Variants in PRKAG2 observed in about 807,000 individuals in gnomAD.
The protein encoded by PRKAG2 is 5'-AMP-activated protein kinase subunit gamma-2.
Under a neutral mutation model 69.6 loss-of-function variants are expected in PRKAG2, and 26 were observed. That is an observed-to-expected ratio of 0.37 (90% CI 0.27 to 0.52). The LOEUF is 0.52. Among genes scored for constraint, PRKAG2 ranks in the 20% least tolerant of loss-of-function variants. The probability of loss-of-function intolerance (pLI) is 0.90; values close to 1 mark genes in which losing one functional copy is unlikely to be tolerated. For missense variants in PRKAG2, 557 were observed against 740.0 expected (o/e 0.75, Z 2.87); for synonymous variants, 293 against 285.0 (o/e 1.03, Z -0.28).
chr7:151,848,944 G>T (rs763746653), intron 1 of PRKAG2, among the ~76,000 whole-genome samples: 1 of 152,222 alleles, frequency 6.6e-6, no homozygotes, highest in Non-Finnish European at 1.5e-5. Context: ...TTCACAGCCC[G>T]CAGGTGAGGA....
chr7:151,844,796 G>A (rs2079391143), intron 1 of PRKAG2, among the ~76,000 whole-genome samples: 1 of 152,184 alleles, frequency 6.6e-6, no homozygotes, highest in African/African-American at 2.4e-5. Flanking sequence ...ACAGTGCCCG[G>A]CACAAAGTAA....
chr7:151,769,769 G>T (rs1294678642), intron 3 of PRKAG2, among the ~76,000 whole-genome samples: 1 of 152,224 alleles, frequency 6.6e-6, no homozygotes. Flanking sequence ...CACGAGGTGG[G>T]CAGGTGGCAC....
chr7:151,777,125 G>C lies in PRKAG2; in HGVS notation c.466+4027C>G, dbSNP rs1247498436. Among the ~76,000 whole-genome samples, 1 of 152,146 alleles carries C rather than the reference G, an allele frequency of 6.6e-6. No individual in the cohort carries two copies. Among genetic ancestry groups the C allele is most frequent in the Non-Finnish European group, 1.5e-5 (1 of 68,006 alleles). On this transcript the variant is annotated intron_variant, in intron 3 of 15. Coordinates refer to ENST00000287878, the MANE Select transcript of PRKAG2 (RefSeq NM_016203.4). This position sits in a 1 kb window ranked among gnomAD's most constrained non-coding sequence, Gnocchi z 4.3. ...TAAGGAAAGGGTGGAGGGGAGTCTGGGAGCTTCCTCCTGTGCAGACCACAG... is the reference window on the plus strand; with the variant it reads ...TAAGGAAAGGGTGGAGGGGAGTCTGCGAGCTTCCTCCTGTGCAGACCACAG...
chr7:151,703,516 T>G (rs76077039), intron 3 of PRKAG2, among the ~76,000 whole-genome samples: 1 of 122,792 alleles, frequency 8.1e-6, no homozygotes, highest in Non-Finnish European at 1.7e-5. Context: ...AAAAATGTTT[T>G]ATGGAGCATA....
chr7:151,736,403 C>G, intron 3 of PRKAG2: 1 of 731,684 alleles, frequency 1.4e-6, no homozygotes, highest in Non-Finnish European at 1.6e-6. Context: ...TTTTTTTTTT[C>G]TCCTTAAAAT....
intron 3 of PRKAG2, among the ~76,000 whole-genome samples, chr7:151,757,700 C>A (rs548730016): frequency 4.3e-4 from 66 of 152,288 alleles, no homozygotes; most frequent in African/African-American, 1.6e-3. Context: ...GCCTCAAAGG[C>A]GTTCCAGACG....
chr7:151,597,956 G>A (rs1425447513), intron 5 of PRKAG2, among the ~76,000 whole-genome samples: 4 of 151,948 alleles, frequency 2.6e-5, no homozygotes, highest in African/African-American at 9.7e-5. Context: ...TCCCACTACC[G>A]GGTATATACC....
chr7:151,856,134 C>T (rs2079769380), intron 1 of PRKAG2, among the ~76,000 whole-genome samples: 1 of 152,220 alleles, frequency 6.6e-6, no homozygotes, highest in African/African-American at 2.4e-5. Flanking sequence ...CATATCATGG[C>T]AAACCTACAT....
At chr7:151,755,083 A>G (rs2074991312) in intron 3 of PRKAG2, among the ~76,000 whole-genome samples, 1 of 152,136 alleles carries the variant, frequency 6.6e-6, no homozygotes, top group South Asian at 2.1e-4. Context: ...ATGCCCCTTC[A>G]GAGCTGTCCT....
At chr7:151,577,581 C>G (rs1809279306) in intron 6 of PRKAG2, among the ~76,000 whole-genome samples, 1 of 152,128 alleles carries the variant, frequency 6.6e-6, no homozygotes, top group African/African-American at 2.4e-5. Context: ...TCTAACACAG[C>G]TAGTGTCAAG....
rs1451082376 is a variant in PRKAG2 at position 151,874,375 on chromosome 7, GATGTATATGTATATGATGTAT to G, written c.114+2111_114+2131del. Among the ~76,000 whole-genome samples, 108 of 56,404 alleles carry G rather than the reference GATGTATATGTATATGATGTAT, an allele frequency of 1.9e-3. 1 individual carries two copies. The highest frequency in any genetic ancestry group is 4.4e-3 in the African/African-American group (64 of 14,522). The allele number at this position is 56,404 out of a possible 152,430, so 37.0% of individuals were successfully genotyped here. On this transcript the variant is annotated intron_variant, in intron 1 of 15. Coordinates refer to ENST00000287878, the MANE Select transcript of PRKAG2 (RefSeq NM_016203.4). ...ATATGATGTATATGTATATGTATATGATGTATATGTATATGATGTATATGTATATGTATATGATGTATATGT... is the reference window on the plus strand; with the variant it reads ...ATATGATGTATATGTATATGTATATGATGTATATGTATATGATGTATATGT...
intron 1 of PRKAG2, among the ~76,000 whole-genome samples, chr7:151,822,688 C>T (rs892703512): frequency 1.3e-5 from 2 of 152,144 alleles, no homozygotes; most frequent in African/African-American, 2.4e-5. Flanking sequence ...AGGTGGACAG[C>T]GTCTTCCCAA....
chr7:151,569,437 G>C (rs1388303574), intron 10 of PRKAG2, among the ~76,000 whole-genome samples: 2 of 152,238 alleles, frequency 1.3e-5, no homozygotes, highest in African/African-American at 4.8e-5. Flanking sequence ...ATTGGCAAGA[G>C]AGCAAAGGCT....
At position 151,632,470 on chromosome 7, in the gene PRKAG2, C is replaced by G. The variant is rs904254605; in HGVS notation, c.685-332G>C. On this transcript the variant is annotated intron_variant, in intron 4 of 15. Coordinates refer to ENST00000287878, the MANE Select transcript of PRKAG2 (RefSeq NM_016203.4). The surrounding 1 kb of genome is among the most constrained non-coding windows in gnomAD (Gnocchi z 4.2). ...AGCTCGAGGGCGGCAGCGCCTGGGC[C>G]CGGGGCGCCCCCCTCCGGCCGTGGC... is the stretch of plus-strand genomic sequence containing the variant. 1.6e-4 allele frequency: 119 copies of G among 748,856 alleles called. No individual in the cohort carries two copies. Among genetic ancestry groups the G allele is most frequent in the Non-Finnish European group, 1.8e-4 (110 of 614,420 alleles). 46.4% of individuals were successfully genotyped at this position (748,856 alleles called of 1,614,324 possible). A position where few individuals can be genotyped will look rare whatever the true frequency, so the allele number is the denominator to read the frequency against.
At chr7:151,796,574 G>A (rs2077547822) in intron 1 of PRKAG2, among the ~76,000 whole-genome samples, 1 of 152,190 alleles carries the variant, frequency 6.6e-6, no homozygotes, top group South Asian at 2.1e-4. Flanking sequence ...GCAAGTGTCT[G>A]TCATGGCATC....
chr7:151,619,359 T>C (rs1347620010), intron 5 of PRKAG2, among the ~76,000 whole-genome samples: 1 of 152,080 alleles, frequency 6.6e-6, no homozygotes, highest in Non-Finnish European at 1.5e-5. Context: ...GCATCCATAA[T>C]CCAAAAACGT....
At chr7:151,810,559 A>C (rs2078363059) in intron 1 of PRKAG2, 1 of 152,446 alleles carries the variant, frequency 6.6e-6, no homozygotes, top group Admixed American at 6.5e-5. Flanking sequence ...GGAACCCCCT[A>C]AAGTTGCCAC....
At chr7:151,652,104 G>A (rs2151398903) in intron 4 of PRKAG2, among the ~76,000 whole-genome samples, 1 of 152,252 alleles carries the variant, frequency 6.6e-6, no homozygotes, top group East Asian at 1.9e-4. Context: ...TAATCATTCT[G>A]TATTGTATAC....
chr7:151,816,332 T>A (rs1212632993), intron 1 of PRKAG2, among the ~76,000 whole-genome samples: 16 of 152,088 alleles, frequency 1.1e-4, no homozygotes, highest in Non-Finnish European at 1.5e-5. Flanking sequence ...AACTGTTTTT[T>A]GTTTTTTTTT....
Sources: gnomAD v4.1 joint callset for allele counts (sites outside exome capture counted in the v4.1 genomes callset) on GRCh38, gnomAD v4.1.1 for gene constraint, Gnocchi (gnomAD v3.1) non-coding constraint, MANE v1.5 for transcripts, NCBI Gene and HGNC (gene_info 2026-07-23, HGNC 2026-07-21) for gene names.